The following IQCN variants were observed in gnomAD, a reference collection of about 807,000 sequenced individuals.
IQCN encodes IQ domain-containing protein N.
IQCN carries 46 observed loss-of-function variants against 64.4 expected under a neutral mutation model. That is an observed-to-expected ratio of 0.71 (90% CI 0.56 to 0.91). IQCN has a LOEUF of 0.91. Among genes scored for constraint, IQCN ranks in the 40% least tolerant of loss-of-function variants. IQCN has a pLI of 0.00. For synonymous variants in IQCN, 733 were observed against 775.6 expected (o/e 0.95, Z 0.91); for missense variants, 1,753 against 1,857.4 (o/e 0.94, Z 1.03).
Position 18,265,405 on chromosome 19 carries a change from C to T in IQCN, c.2135G>A (p.Cys712Tyr), listed in dbSNP as rs1969536405. Residue 712 changes from cysteine to tyrosine, a missense_variant, in exon 3 of 4, where the codon TGT becomes TAT. Physicochemically the swap from Cys to Tyr is radical, Grantham distance 194. Transcript: ENST00000392413. The surrounding 1 kb of genome is among the most constrained non-coding windows in gnomAD (Gnocchi z 4.7). ...KTPSLAHLDT[C>Y]LSKMHSQTHL... ...TGTCTGGGAATGCATCTTGCTCAGA[C>T]AGGTGTCCAGATGGGCCAGGGATGG... 1.9e-6 allele frequency: 3 copies of T among 1,614,188 alleles called. No homozygotes were observed. Among genetic ancestry groups the T allele is most frequent in the Non-Finnish European group, 2.5e-6 (3 of 1,180,032 alleles).
In IQCN at chr19:18,263,303, A is replaced by G. The variant is rs117877838; in HGVS notation, c.3177+1060T>C. On this transcript the variant is annotated intron_variant, in intron 3 of 3. Coordinates refer to ENST00000392413, the MANE Select transcript of IQCN (RefSeq NM_001145304.2). The stretch of plus-strand genomic sequence containing the variant: ...GAGAGCTTTCGGAATTGTTCTCCTG[A>G]CTGTAGGTCACAAAGCCCTGGGAGA... Among the ~76,000 whole-genome samples the G allele has an allele frequency of 6.6e-5, 10 of 152,174 alleles. No individual in the cohort carries two copies. In the East Asian group the frequency reaches 1.9e-3, roughly 29 times the overall value.
chr19:18,268,906 A>G (rs1170523567), intron 2 of IQCN, among the ~76,000 whole-genome samples: 10 of 147,412 alleles, frequency 6.8e-5, no homozygotes, highest in African/African-American at 2.5e-4. Context: ...AGGTTGCAGT[A>G]AGCCGAGATC....
chr19:18,264,782 G>A lies in IQCN; in HGVS notation c.2758C>T (p.Leu920=). Residue 920 remains leucine (L), a synonymous_variant, in exon 3 of 4, where the codon CTG becomes TTG. Transcript: ENST00000392413. The surrounding 1 kb of genome is among the most constrained non-coding windows in gnomAD (Gnocchi z 4.3). ...AGGGCTTTGGTGACAGTGGCACCCA[G>A]GACCTCCTTGGACAGGGCCTGGTTC... The part of the protein sequence containing the change: ...ALNQALSKEV[L]GATVTKALPQ... 2 of 1,551,660 alleles carry A rather than the reference G, an allele frequency of 1.3e-6. No homozygotes were observed. Among genetic ancestry groups the A allele is most frequent in the Non-Finnish European group, 1.7e-6 (2 of 1,147,154 alleles).
Position 18,257,115 on chromosome 19 carries a change from T to C in IQCN, c.*65A>G. On this transcript the variant is annotated 3_prime_UTR_variant, in exon 4 of 4. Coordinates refer to ENST00000392413, the MANE Select transcript of IQCN (RefSeq NM_001145304.2). ...CCAAGATCTAGGCTGTGGAGGACTTTATTCATTAGACCCAGAGAGCCATGA... is the reference window on the plus strand; with the variant it reads ...CCAAGATCTAGGCTGTGGAGGACTTCATTCATTAGACCCAGAGAGCCATGA... 2.0e-6 allele frequency: 3 copies of C among 1,524,534 alleles called. No individual in the cohort carries two copies. Among genetic ancestry groups the C allele is most frequent in the East Asian group, 2.3e-5 (1 of 44,378 alleles). The allele number at this position is 1,524,534 out of a possible 1,614,324, so 94.4% of individuals were successfully genotyped here.
At chr19:18,274,239 G>C (rs919586461) in intron 1 of IQCN, among the ~76,000 whole-genome samples, 164 bp downstream of exon 1, 7 of 152,214 alleles carry the variant, frequency 4.6e-5, no homozygotes, top group Non-Finnish European at 1.0e-4. Flanking sequence ...ATCATTTGCA[G>C]TCACCCAGAA....
At position 18,264,185 on chromosome 19, in the gene IQCN, CA is replaced by C. The variant is rs35737033; in HGVS notation, c.3177+177del. On this transcript the variant is annotated intron_variant, in intron 3 of 3. Transcript: ENST00000392413. The surrounding 1 kb of genome is among the most constrained non-coding windows in gnomAD (Gnocchi z 4.3). ...ACAGCATGGGATACAGGCCAGTGATCAGGGGACCCTGGTGAATGCTGGTGAT... is the reference window on the plus strand; with the variant it reads ...ACAGCATGGGATACAGGCCAGTGATCGGGGACCCTGGTGAATGCTGGTGAT... Among the ~76,000 whole-genome samples, 3,843 of 152,240 alleles carry C rather than the reference CA, an allele frequency of 0.025. 137 individuals carry two copies. The highest frequency in any genetic ancestry group is 0.087 in the African/African-American group (3,632 of 41,512).
chr19:18,258,285 G>A (rs748741770), intron 3 of IQCN, 179 bp from the exon 4 acceptor site: 29 of 740,882 alleles, frequency 3.9e-5, no homozygotes, highest in Non-Finnish European at 6.2e-5. Flanking sequence ...AGGAATGACC[G>A]AGGAGTGTGT....
chr19:18,268,021 C>T (rs1004670438), intron 2 of IQCN: 3 of 152,258 alleles, frequency 2.0e-5, no homozygotes, highest in Admixed American at 1.3e-4. Flanking sequence ...TGGTCTCGAA[C>T]TCCCGACCTC....
At chr19:18,262,362 C>T (rs1014915228) in intron 3 of IQCN, 1 of 152,896 alleles carries the variant, frequency 6.5e-6, no homozygotes, top group Non-Finnish European at 1.5e-5. Flanking sequence ...TGGGTACTCC[C>T]CAACAGACTG....
intron 1 of IQCN, 140 bp downstream of exon 1, chr19:18,274,263 T>TC (rs925093789): frequency 1.0e-4 from 15 of 149,760 alleles, no homozygotes; most frequent in African/African-American, 3.7e-4. Context: ...CCAGAAGGGC[T>TC]CTAAAGGCAC....
chr19:18,273,081 A>C (rs560157090), intron 1 of IQCN, among the ~76,000 whole-genome samples: 57 of 152,242 alleles, frequency 3.7e-4, no homozygotes, highest in South Asian at 1.2e-3. Context: ...CCCAGGCTGA[A>C]GTGCAGTGGC....
chr19:18,259,085 G>C (rs1227259111), intron 3 of IQCN: 2 of 154,934 alleles, frequency 1.3e-5, no homozygotes, highest in African/African-American at 4.8e-5. Context: ...TGTGACCCCA[G>C]ATGGCATTAT....
intron 1 of IQCN, among the ~76,000 whole-genome samples, chr19:18,270,552 G>A (rs1177195558): frequency 4.6e-5 from 7 of 151,824 alleles, no homozygotes; most frequent in African/African-American, 1.5e-4. Context: ...CCAGCTACTC[G>A]GGAGGCTGAG....
chr19:18,263,212 T>C (rs1969468681), intron 3 of IQCN, among the ~76,000 whole-genome samples: 1 of 152,184 alleles, frequency 6.6e-6, no homozygotes, highest in African/African-American at 2.4e-5. Context: ...GACTCATCTA[T>C]CTTGTTGACG....
At position 18,257,876 on chromosome 19, in the gene IQCN, C is replaced by G; in HGVS notation, c.3408G>C (p.Trp1136Cys). 6.2e-7 allele frequency: 1 copy of G among 1,612,364 alleles called. No homozygotes were observed. Among genetic ancestry groups the G allele is most frequent in the Non-Finnish European group, 8.5e-7 (1 of 1,179,906 alleles). The part of the protein sequence containing the change: ...GYLARRRIRL[W>C]HRGAMVIQAT... The stretch of plus-strand genomic sequence containing the variant: ...CTTGGATGACCATGGCCCCCCGGTG[C>G]CACAGCCGGATCCTGCGACGCGCCA... Residue 1136 changes from tryptophan (W) to cysteine (C), a missense_variant, in exon 4 of 4, where the codon TGG becomes TGC. Transcript: ENST00000392413.
At position 18,258,591 on chromosome 19, in the gene IQCN, G is replaced by A. The variant is rs535813723; in HGVS notation, c.3178-485C>T. On this transcript the variant is annotated intron_variant, in intron 3 of 3. Transcript: ENST00000392413. ...GGGACTGGACAATGCCCTTCTAGCC[G>A]AGGACGGATATAGTGGCACATGTGA... The A allele has an allele frequency of 6.2e-4, 224 of 363,972 alleles. 1 individual carries two copies. Among genetic ancestry groups the A allele is most frequent in the African/African-American group, 4.1e-3 (192 of 47,238 alleles). The allele number at this position is 363,972 out of a possible 1,614,324, so 22.5% of individuals were successfully genotyped here. A position where few individuals can be genotyped will look rare whatever the true frequency, so the allele number is the denominator to read the frequency against.
chr19:18,264,607 G>A lies in IQCN; in HGVS notation c.2933C>T (p.Ala978Val), dbSNP rs770532869. 6.4e-7 allele frequency: 1 copy of A among 1,551,422 alleles called. No individual in the cohort carries two copies. Among genetic ancestry groups the A allele is most frequent in the East Asian group, 2.4e-5 (1 of 40,894 alleles). Reference sequence around the variant, plus strand: ...AGCCACCCACTCCTCCTCCGTCAAAGCCTTGCTAAGCACCTCGGCCAATTT... The same window carrying A: ...AGCCACCCACTCCTCCTCCGTCAAAACCTTGCTAAGCACCTCGGCCAATTT... ...QGKLAEVLSK[A>V]LTEEEWVALS... The change falls in exon 3 of 4, where the codon GCT becomes GTT. Residue 978 changes from alanine to valine, a missense_variant. Ala to Val is a moderately conservative substitution (Grantham distance 64). Coordinates refer to ENST00000392413, the MANE Select transcript of IQCN (RefSeq NM_001145304.2). This position sits in a 1 kb window ranked among gnomAD's most constrained non-coding sequence, Gnocchi z 4.3.
chr19:18,262,533 T>C (rs184863666), intron 3 of IQCN: 14 of 152,378 alleles, frequency 9.2e-5, no homozygotes, highest in African/African-American at 3.1e-4. Context: ...AGCCATTGAT[T>C]GGTGACCTTG....
chr19:18,264,813 T>G lies in IQCN; in HGVS notation c.2727A>C (p.Ala909=), dbSNP rs1442736608. ...AKALSQGEVW[A]ALNQALSKEV... ...CCTTGGACAGGGCCTGGTTCAGAGC[T>G]GCCCAGACTTCTCCCTGGGAGAGGG... Residue 909 remains alanine, a synonymous_variant, in exon 3 of 4, where the codon GCA becomes GCC. Coordinates refer to ENST00000392413, the MANE Select transcript of IQCN (RefSeq NM_001145304.2). This position sits in a 1 kb window ranked among gnomAD's most constrained non-coding sequence, Gnocchi z 4.3. 1.3e-6 allele frequency: 2 copies of G among 1,557,688 alleles called. No homozygotes were observed. Among genetic ancestry groups the G allele is most frequent in the Non-Finnish European group, 1.7e-6 (2 of 1,150,460 alleles).
Sources: gnomAD v4.1 joint callset for allele counts (sites outside exome capture counted in the v4.1 genomes callset) on GRCh38, gnomAD v4.1.1 for gene constraint, Gnocchi (gnomAD v3.1) non-coding constraint, MANE v1.5 for transcripts, NCBI Gene and HGNC (gene_info 2026-07-23, HGNC 2026-07-21) for gene names.